Variants in KALRN observed in about 807,000 individuals in gnomAD.
The protein encoded by KALRN is kalirin RhoGEF kinase, also known as kalirin.
In KALRN, 70 loss-of-function variants were observed where a neutral mutation model predicts 353.7. The ratio of observed to expected loss-of-function variants is 0.20; its 90% CI spans 0.16 to 0.24. The LOEUF is 0.24. Ranked by LOEUF, KALRN falls within the 10% of genes least tolerant of loss-of-function variation. KALRN has a pLI of 1.00. For missense variants in KALRN, 2,791 were observed against 3,756.7 expected (o/e 0.74, Z 6.72); for synonymous variants, 1,391 against 1,434.8 (o/e 0.97, Z 0.69).
intron 34 of KALRN, among the ~76,000 whole-genome samples, chr3:124,607,146 G>A (rs982368012): frequency 1.1e-4 from 17 of 152,216 alleles, no homozygotes; most frequent in Non-Finnish European, 2.9e-5. Context: ...CAAGAACATG[G>A]ACAGTGACAT....
At chr3:124,495,963 A>ATG (rs1361703467) in intron 32 of KALRN, among the ~76,000 whole-genome samples, 1,876 of 25,554 alleles carry the variant, frequency 0.073, 128 homozygotes, top group Middle Eastern at 0.11. Flanking sequence ...ATGTGTATGT[A>ATG]TGTATATATA....
chr3:124,637,297 C>A lies in KALRN; in HGVS notation c.5658C>A (p.Asn1886Lys). The change falls in exon 37 of 60, where the codon AAC (asparagine) becomes AAA (lysine). Residue 1886 changes from asparagine (N) to lysine (K), a missense_variant. Transcript: ENST00000682506. ...LVNAIEKLVK[N>K]KLSLEGSSYR... ...ATGCAATAGAAAAGTTGGTCAAAAA[C>A]AAGCTGGTAAGTGGGGGTCCTGGAG... 1 of 1,613,530 alleles carries A rather than the reference C, an allele frequency of 6.2e-7. No homozygotes were observed. Among genetic ancestry groups the A allele is most frequent in the South Asian group, 1.1e-5 (1 of 91,060 alleles).
At chr3:124,380,276 A>T (rs563132807) in intron 10 of KALRN, among the ~76,000 whole-genome samples, 4 of 152,226 alleles carry the variant, frequency 2.6e-5, no homozygotes, top group East Asian at 1.9e-4. Context: ...GAGACAAATT[A>T]TCCTAGAATG....
At chr3:124,416,938 A>C (rs2092535752) in intron 14 of KALRN, among the ~76,000 whole-genome samples, 1 of 152,232 alleles carries the variant, frequency 6.6e-6, no homozygotes, top group South Asian at 2.1e-4. Flanking sequence ...TAGCAAATGG[A>C]ACTAGGGAAT....
chr3:124,600,267 T>A (rs1017316045), intron 34 of KALRN, among the ~76,000 whole-genome samples: 1 of 152,252 alleles, frequency 6.6e-6, no homozygotes, highest in Non-Finnish European at 1.5e-5. Flanking sequence ...ACCAATGGCA[T>A]AACTCACCTG....
intron 1 of KALRN, among the ~76,000 whole-genome samples, chr3:124,066,539 T>A (rs1349604276): frequency 6.6e-6 from 1 of 151,756 alleles, no homozygotes; most frequent in Non-Finnish European, 1.5e-5. Flanking sequence ...GGGAAGCGAG[T>A]GGTTACCAGA....
intron 29 of KALRN, 152 bp downstream of exon 29, chr3:124,488,467 G>A: frequency 3.2e-6 from 2 of 618,354 alleles, no homozygotes; most frequent in Non-Finnish European, 5.8e-6. Context: ...TGTCATGTGA[G>A]AGGGGCTCCA....
chr3:124,250,981 G>A (rs2071064827), intron 3 of KALRN, among the ~76,000 whole-genome samples: 1 of 152,218 alleles, frequency 6.6e-6, no homozygotes, highest in Non-Finnish European at 1.5e-5. Context: ...TAGCCAGCTA[G>A]ACCAGACTCT....
chr3:124,612,119 G>C (rs2078050170), intron 34 of KALRN, among the ~76,000 whole-genome samples: 1 of 152,250 alleles, frequency 6.6e-6, no homozygotes, highest in Non-Finnish European at 1.5e-5. Context: ...CTGCCTCACA[G>C]GTTCAAGCGA....
intron 10 of KALRN, among the ~76,000 whole-genome samples, chr3:124,380,555 C>A (rs1313510233): frequency 1.3e-5 from 2 of 152,188 alleles, no homozygotes; most frequent in African/African-American, 4.8e-5. Context: ...TTTGGCATAT[C>A]TGTTGGGAAA....
At chr3:124,234,652 C>A (rs979377908) in intron 2 of KALRN, among the ~76,000 whole-genome samples, 177 bp from the exon 3 acceptor site, 1 of 152,166 alleles carries the variant, frequency 6.6e-6, no homozygotes, top group Non-Finnish European at 1.5e-5. Flanking sequence ...GACTTGCCCA[C>A]GGTCATATGT....
chr3:124,247,521 T>C (rs1235887449), intron 3 of KALRN, among the ~76,000 whole-genome samples: 2 of 152,198 alleles, frequency 1.3e-5, no homozygotes, highest in African/African-American at 4.8e-5. Context: ...TCTATAATAA[T>C]TCTTTTTAAA....
chr3:124,113,782 C>T (rs2063211096), intron 1 of KALRN, among the ~76,000 whole-genome samples: 1 of 152,222 alleles, frequency 6.6e-6, no homozygotes, highest in African/African-American at 2.4e-5. Flanking sequence ...GTTCCTTCTC[C>T]TAAGATTAAG....
intron 1 of KALRN, among the ~76,000 whole-genome samples, chr3:124,103,183 T>C (rs2062015884): frequency 6.6e-6 from 1 of 152,174 alleles, no homozygotes; most frequent in South Asian, 2.1e-4. Context: ...CATTGGGATG[T>C]CTTGTCTGTG....
chr3:124,226,725 A>G (rs1038539801), intron 1 of KALRN, among the ~76,000 whole-genome samples: 1 of 152,126 alleles, frequency 6.6e-6, no homozygotes, highest in Admixed American at 6.5e-5. Flanking sequence ...AAATTCCCGG[A>G]TGGGTTTCTT....
intron 1 of KALRN, among the ~76,000 whole-genome samples, chr3:124,214,117 A>T (rs1018294131): frequency 2.0e-5 from 3 of 152,156 alleles, no homozygotes; most frequent in South Asian, 4.1e-4. Context: ...AACTTTTCAG[A>T]GATAACTGCT....
intron 33 of KALRN, among the ~76,000 whole-genome samples, chr3:124,508,454 TG>T (rs2065478902): frequency 6.6e-6 from 1 of 152,250 alleles, no homozygotes; most frequent in African/African-American, 2.4e-5. Flanking sequence ...GTCTCACTTC[TG>T]TTGCTCAACA....
chr3:124,277,519 A>AAT (rs1298696882), intron 5 of KALRN, among the ~76,000 whole-genome samples: 22 of 152,198 alleles, frequency 1.4e-4, no homozygotes, highest in Non-Finnish European at 7.3e-5. Flanking sequence ...CATTAGAAAC[A>AAT]TTAGATTCCA....
At chr3:124,227,825 C>T (rs1007855992) in intron 1 of KALRN, among the ~76,000 whole-genome samples, 165 bp from the exon 2 acceptor site, 4 of 151,688 alleles carry the variant, frequency 2.6e-5, no homozygotes, top group African/African-American at 9.7e-5. Context: ...GTGGAAGTAT[C>T]CCTTCTGTTG....
Sources: gnomAD v4.1 joint callset for allele counts (sites outside exome capture counted in the v4.1 genomes callset) on GRCh38, gnomAD v4.1.1 for gene constraint, MANE v1.5 for transcripts, NCBI Gene and HGNC (gene_info 2026-07-23, HGNC 2026-07-21) for gene names.